MACROD2: variants seen among roughly 807,000 people sequenced by gnomAD.
MACROD2 encodes mono-ADP ribosylhydrolase 2.
In MACROD2, 36 loss-of-function variants were observed where a neutral mutation model predicts 70.4. The observed-to-expected ratio is 0.51, with a 90% CI of 0.39 to 0.68. MACROD2 has a LOEUF of 0.68. Among genes scored for constraint, MACROD2 ranks in the 30% least tolerant of loss-of-function variants. The pLI, the probability that MACROD2 is intolerant of heterozygous loss-of-function variation, is 0.00. For missense variants in MACROD2, 496 were observed against 538.4 expected, an observed-to-expected ratio of 0.92 and a Z score of 0.78; for synonymous variants, 172 against 178.8, an observed-to-expected ratio of 0.96 and a Z score of 0.30.
chr20:15,929,437 T>A (rs1030952535), intron 10 of MACROD2, among the ~76,000 whole-genome samples: 1 of 151,744 alleles, frequency 6.6e-6, no homozygotes, highest in African/African-American at 2.4e-5. Flanking sequence ...ATTTTATATA[T>A]ATATATATAC....
chr20:15,307,628 ACT>A (rs1291531990), intron 6 of MACROD2, among the ~76,000 whole-genome samples: 5 of 152,246 alleles, frequency 3.3e-5, no homozygotes, highest in Middle Eastern at 3.4e-3. Flanking sequence ...AAACAGAGAC[ACT>A]CTCATATATA....
At chr20:15,274,392 C>G (rs1022649011) in intron 6 of MACROD2, among the ~76,000 whole-genome samples, 7 of 152,182 alleles carry the variant, frequency 4.6e-5, no homozygotes, top group Non-Finnish European at 7.3e-5. Flanking sequence ...GCAAATGGTT[C>G]TGAGAAATGT....
chr20:15,058,093 T>C (rs866216380), intron 5 of MACROD2, among the ~76,000 whole-genome samples: 2 of 152,192 alleles, frequency 1.3e-5, no homozygotes, highest in Admixed American at 6.5e-5. Context: ...AGGCCTGCTA[T>C]GGACCGGCTG....
intron 5 of MACROD2, among the ~76,000 whole-genome samples, chr20:15,156,478 A>G (rs2076307572): frequency 6.6e-6 from 1 of 152,026 alleles, no homozygotes; most frequent in Admixed American, 6.6e-5. Flanking sequence ...TCTCTCATTT[A>G]CTTATAATAG....
intron 3 of MACROD2, among the ~76,000 whole-genome samples, chr20:14,220,318 G>A (rs916479151): frequency 6.6e-6 from 1 of 152,010 alleles, no homozygotes. Context: ...TGGGGGAAAG[G>A]GGGCAGTCAC....
intron 3 of MACROD2, among the ~76,000 whole-genome samples, chr20:14,132,286 G>A (rs1045467862): frequency 2.0e-5 from 3 of 152,004 alleles, no homozygotes; most frequent in African/African-American, 4.8e-5. Context: ...GGGCTCAAGC[G>A]ATCCTCCTGC....
At chr20:15,964,570 T>C (rs1365883506) in intron 12 of MACROD2, among the ~76,000 whole-genome samples, 2 of 152,126 alleles carry the variant, frequency 1.3e-5, no homozygotes, top group Admixed American at 1.3e-4. Context: ...GGGACACAAA[T>C]ATTCAGACCA....
chr20:15,376,994 C>T (rs1310085053), intron 6 of MACROD2, among the ~76,000 whole-genome samples: 1 of 152,108 alleles, frequency 6.6e-6, no homozygotes, highest in Non-Finnish European at 1.5e-5. Context: ...GGGTTCACAT[C>T]ATTCTCCTGC....
intron 6 of MACROD2, among the ~76,000 whole-genome samples, chr20:15,289,377 T>C (rs2077521350): frequency 1.3e-5 from 2 of 152,226 alleles, no homozygotes; most frequent in South Asian, 2.1e-4. Context: ...AAGAAACATA[T>C]ATAATGCAAT....
chr20:15,314,345 C>G lies in MACROD2; in HGVS notation c.540+84284C>G, dbSNP rs539002932. Among the ~76,000 whole-genome samples, 20 of 152,250 alleles carry G rather than the reference C, an allele frequency of 1.3e-4. No individual in the cohort carries two copies. The South Asian group carries it at 3.1e-3, about 24-fold the overall frequency. On this transcript the variant is annotated intron_variant, in intron 6 of 17. Transcript: ENST00000684519. ...GTGGCTCATGCCTGTAATCTCGGCA[C>G]TTTGGGAGGCCAAGGTGGGAAAATT...
intron 6 of MACROD2, among the ~76,000 whole-genome samples, chr20:15,241,053 T>C (rs117733638): frequency 0.015 from 2,305 of 152,346 alleles, 24 homozygotes; most frequent in Non-Finnish European, 0.022. Flanking sequence ...TTCATTATAC[T>C]ATTCTCTCTG....
At chr20:15,642,270 G>A (rs1053704516) in intron 8 of MACROD2, among the ~76,000 whole-genome samples, 2 of 152,128 alleles carry the variant, frequency 1.3e-5, no homozygotes, top group Admixed American at 6.5e-5. Flanking sequence ...TTTCTGAAAG[G>A]ATAGATAGTA....
intron 5 of MACROD2, among the ~76,000 whole-genome samples, chr20:14,819,541 T>G (rs2072815955): frequency 6.6e-6 from 1 of 152,042 alleles, no homozygotes; most frequent in South Asian, 2.1e-4. Flanking sequence ...CTCATACAGC[T>G]TACCATCCGG....
chr20:14,584,714 C>T (rs1981259371), intron 4 of MACROD2, among the ~76,000 whole-genome samples: 1 of 152,062 alleles, frequency 6.6e-6, no homozygotes, highest in South Asian at 2.1e-4. Context: ...AAAATTGGTG[C>T]ATCTTTTTAG....
intron 10 of MACROD2, among the ~76,000 whole-genome samples, chr20:15,913,848 C>G (rs776949347): frequency 4.1e-4 from 62 of 152,168 alleles, no homozygotes; most frequent in Non-Finnish European, 6.9e-4. Flanking sequence ...TTTAGGGACA[C>G]AGCATTTTTT....
chr20:15,079,028 A>G (rs1232984328), intron 5 of MACROD2, among the ~76,000 whole-genome samples: 1 of 151,950 alleles, frequency 6.6e-6, no homozygotes, highest in Non-Finnish European at 1.5e-5. Flanking sequence ...AGTTCTGTTC[A>G]TTTTTCCTGT....
chr20:14,209,698 G>A (rs1179987015), intron 3 of MACROD2, among the ~76,000 whole-genome samples: 1 of 152,068 alleles, frequency 6.6e-6, no homozygotes, highest in Non-Finnish European at 1.5e-5. Context: ...GTTACCCTAG[G>A]TACTGTAGGG....
At chr20:15,658,618 C>T (rs2146810901) in intron 8 of MACROD2, among the ~76,000 whole-genome samples, 1 of 152,322 alleles carries the variant, frequency 6.6e-6, no homozygotes, top group South Asian at 2.1e-4. Flanking sequence ...AATCTCCCTG[C>T]AGCAGCTTCC....
chr20:15,770,639 C>T (rs886838028), intron 8 of MACROD2, among the ~76,000 whole-genome samples: 12 of 152,016 alleles, frequency 7.9e-5, no homozygotes, highest in Non-Finnish European at 1.8e-4. Context: ...GCATAACAGA[C>T]CATCCTGAAA....
Sources: allele counts gnomAD v4.1 joint callset (sites outside exome capture counted in the v4.1 genomes callset), GRCh38; gene constraint gnomAD v4.1.1; transcripts MANE v1.5; gene names NCBI Gene and HGNC (gene_info 2026-07-23, HGNC 2026-07-21).